The following SH3RF3 variants were observed in gnomAD, a reference collection of about 807,000 sequenced individuals.
SH3RF3 encodes the protein E3 ubiquitin-protein ligase SH3RF3.
Under a neutral mutation model 66.3 loss-of-function variants are expected in SH3RF3, and 29 were observed. That is an observed-to-expected ratio of 0.44 (90% CI 0.33 to 0.60). The LOEUF is 0.60. SH3RF3 is among the 20% of genes least tolerant of loss of function. The pLI is 0.04. For synonymous variants in SH3RF3, 583 were observed against 532.0 expected, an observed-to-expected ratio of 1.10 and a Z score of -1.32; for missense variants, 1,194 against 1,190.9, an observed-to-expected ratio of 1.00 and a Z score of -0.04.
chr2:109,195,156 A>G (rs1007293410), intron 1 of SH3RF3, among the ~76,000 whole-genome samples: 1 of 152,200 alleles, frequency 6.6e-6, no homozygotes, highest in African/African-American at 2.4e-5. Context: ...AAAAAGGACA[A>G]TTTGGTTCTC....
chr2:109,233,661 G>GT (rs1397637343), intron 1 of SH3RF3, among the ~76,000 whole-genome samples: 2 of 152,190 alleles, frequency 1.3e-5, no homozygotes, highest in African/African-American at 4.8e-5. Context: ...CCTCCTGTTC[G>GT]TATCACCACC....
At chr2:109,384,478 C>T (rs1675773396) in intron 3 of SH3RF3, among the ~76,000 whole-genome samples, 1 of 151,822 alleles carries the variant, frequency 6.6e-6, no homozygotes, top group Admixed American at 6.6e-5. Context: ...GCCAGGGTGA[C>T]CAAGCAGGCA....
intron 3 of SH3RF3, among the ~76,000 whole-genome samples, chr2:109,392,301 C>T (rs766498439): frequency 1.3e-5 from 2 of 152,184 alleles, no homozygotes; most frequent in Non-Finnish European, 2.9e-5. Flanking sequence ...TTCAATGAGA[C>T]ATCTCAGAAA....
chr2:109,165,756 T>C lies in SH3RF3; in HGVS notation c.573+35643T>C, dbSNP rs576403214. Reference sequence around the variant, plus strand: ...CCCACTCTCCCCACTCAGATCCTTCTTTTTTTTAGTTACTTAAGAATCATC... The same window carrying C: ...CCCACTCTCCCCACTCAGATCCTTCCTTTTTTTAGTTACTTAAGAATCATC... On this transcript the variant is annotated intron_variant, in intron 1 of 9. Coordinates refer to ENST00000309415, the MANE Select transcript of SH3RF3 (RefSeq NM_001099289.3). Among the ~76,000 whole-genome samples, 7 of 152,206 alleles carry C rather than the reference T, an allele frequency of 4.6e-5. No homozygotes were observed. The South Asian group carries it at 1.5e-3, about 32-fold the overall frequency.
rs1391068682 is a variant in SH3RF3 at position 109,329,298 on chromosome 2, G to A, written c.574-18376G>A. On this transcript the variant is annotated intron_variant, in intron 1 of 9. Coordinates refer to ENST00000309415, the MANE Select transcript of SH3RF3 (RefSeq NM_001099289.3). ...CTCTCCATCTGAGAAACATCCTGGA[G>A]ATGTGGAAAAAAACACAACTCATGA... Among the ~76,000 whole-genome samples, 3 of 152,130 alleles carry A rather than the reference G, an allele frequency of 2.0e-5. No homozygotes were observed. The East Asian group carries it at 5.8e-4, about 29-fold the overall frequency.
At chr2:109,157,193 A>G (rs1252756834) in intron 1 of SH3RF3, among the ~76,000 whole-genome samples, 1 of 152,120 alleles carries the variant, frequency 6.6e-6, no homozygotes, top group East Asian at 1.9e-4. Flanking sequence ...CATAGTATTG[A>G]CTGGGGATAT....
At chr2:109,131,277 T>C (rs923642633) in intron 1 of SH3RF3, among the ~76,000 whole-genome samples, 4 of 151,904 alleles carry the variant, frequency 2.6e-5, no homozygotes, top group Admixed American at 2.6e-4. Flanking sequence ...TCAGGAAGAA[T>C]GGGGACAGTC....
intron 1 of SH3RF3, among the ~76,000 whole-genome samples, chr2:109,211,082 T>G (rs760595803): frequency 6.6e-6 from 1 of 152,188 alleles, no homozygotes; most frequent in Non-Finnish European, 1.5e-5. Flanking sequence ...CACACCTTTT[T>G]GGTTAATATG....
intron 8 of SH3RF3, among the ~76,000 whole-genome samples, chr2:109,476,997 GT>G (rs1339283267): frequency 6.6e-6 from 1 of 152,218 alleles, no homozygotes; most frequent in African/African-American, 2.4e-5. Flanking sequence ...ACTCCAAGCT[GT>G]TTTATCAGCA....
At chr2:109,379,853 C>T (rs143830063) in intron 3 of SH3RF3, among the ~76,000 whole-genome samples, 3,326 of 152,174 alleles carry the variant, frequency 0.022, 54 homozygotes, top group Middle Eastern at 0.054. Context: ...CCAGGAAGCA[C>T]CCAATGGCGT....
intron 1 of SH3RF3, among the ~76,000 whole-genome samples, chr2:109,131,019 A>C (rs933926821): frequency 6.6e-6 from 1 of 152,218 alleles, no homozygotes; most frequent in Non-Finnish European, 1.5e-5. Flanking sequence ...GTTAAAAAAA[A>C]TACATTATCT....
At chr2:109,392,427 G>T (rs1049853155) in intron 3 of SH3RF3, among the ~76,000 whole-genome samples, 13 of 152,144 alleles carry the variant, frequency 8.5e-5, no homozygotes, top group African/African-American at 2.9e-4. Context: ...CTGTCACCTC[G>T]TGGTGGATAT....
intron 1 of SH3RF3, among the ~76,000 whole-genome samples, chr2:109,224,014 A>G (rs1478243902): frequency 1.3e-5 from 2 of 152,162 alleles, no homozygotes; most frequent in African/African-American, 4.8e-5. Flanking sequence ...AAACAAATTC[A>G]ATCAATAAAA....
chr2:109,480,857 G>GAC (rs1156858904), intron 8 of SH3RF3, among the ~76,000 whole-genome samples: 1 of 152,158 alleles, frequency 6.6e-6, no homozygotes, highest in African/African-American at 2.4e-5. Context: ...CTCTAGCTTG[G>GAC]AGCTTGGGGC....
chr2:109,325,731 G>A (rs1268847768), intron 1 of SH3RF3, among the ~76,000 whole-genome samples: 2 of 152,134 alleles, frequency 1.3e-5, no homozygotes, highest in African/African-American at 2.4e-5. Context: ...CATGTTCCTT[G>A]GAATGTCCTG....
At chr2:109,249,603 C>T (rs1294254004) in intron 1 of SH3RF3, among the ~76,000 whole-genome samples, 2 of 135,078 alleles carry the variant, frequency 1.5e-5, no homozygotes, top group African/African-American at 2.9e-5. Flanking sequence ...CTTTCTTTTT[C>T]TTTCTTTCTT....
chr2:109,385,531 A>G (rs1675801755), intron 3 of SH3RF3, among the ~76,000 whole-genome samples: 2 of 152,280 alleles, frequency 1.3e-5, no homozygotes, highest in Admixed American at 1.3e-4. Flanking sequence ...TGAAGGAAAC[A>G]ATCACTTAGA....
intron 1 of SH3RF3, among the ~76,000 whole-genome samples, chr2:109,346,380 C>T (rs1682697765): frequency 1.3e-5 from 2 of 152,166 alleles, no homozygotes; most frequent in South Asian, 4.1e-4. Context: ...CGATGTACTA[C>T]TGCTTCAGGC....
At chr2:109,275,567 G>A (rs1294616686) in intron 1 of SH3RF3, among the ~76,000 whole-genome samples, 2 of 152,160 alleles carry the variant, frequency 1.3e-5, no homozygotes, top group Non-Finnish European at 2.9e-5. Flanking sequence ...TGGCTGATGA[G>A]CACTCAAAAG....
Sources: allele counts gnomAD v4.1 joint callset (sites outside exome capture counted in the v4.1 genomes callset), GRCh38; gene constraint gnomAD v4.1.1; transcripts MANE v1.5; gene names NCBI Gene and HGNC (gene_info 2026-07-23, HGNC 2026-07-21).